Variants in SYT16 observed in about 807,000 individuals in gnomAD.
The protein encoded by SYT16 is synaptotagmin 16, also known as synaptotagmin-16.
SYT16 carries 42 observed loss-of-function variants against 61.4 expected under a neutral mutation model. The observed-to-expected ratio is 0.68, with a 90% confidence interval of 0.53 to 0.89. The LOEUF is 0.89. Ranked by LOEUF, SYT16 falls within the 40% of genes least tolerant of loss-of-function variation. SYT16 has a pLI of 0.00. For missense variants in SYT16, 804 were observed against 807.3 expected (o/e 1.00, Z 0.05); for synonymous variants, 314 against 302.3 (o/e 1.04, Z -0.40).
chr14:61,907,970 T>A (rs1475104954), intron 1 of SYT16, among the ~76,000 whole-genome samples: 1 of 152,194 alleles, frequency 6.6e-6, no homozygotes, highest in Non-Finnish European at 1.5e-5. Flanking sequence ...CATGAGAGAC[T>A]TTGTGTGTGT....
At chr14:61,949,166 TTATAG>T (rs2050566276) in intron 1 of SYT16, among the ~76,000 whole-genome samples, 1 of 152,164 alleles carries the variant, frequency 6.6e-6, no homozygotes, top group African/African-American at 2.4e-5. Flanking sequence ...GGAATAATCA[TTATAG>T]TATAAAGGCT....
chr14:61,858,955 C>T (rs1417459614), intron 1 of SYT16, among the ~76,000 whole-genome samples: 1 of 151,064 alleles, frequency 6.6e-6, no homozygotes, highest in Non-Finnish European at 1.5e-5. Flanking sequence ...CCTGGGTTCA[C>T]GCCATTCTCC....
intron 1 of SYT16, among the ~76,000 whole-genome samples, chr14:61,909,799 C>T (rs2048858056): frequency 6.6e-6 from 1 of 152,070 alleles, no homozygotes; most frequent in African/African-American, 2.4e-5. Flanking sequence ...TTTTCTTTAC[C>T]AGAATATTTG....
chr14:62,026,624 T>C (rs1272169759), intron 3 of SYT16, among the ~76,000 whole-genome samples: 2 of 152,200 alleles, frequency 1.3e-5, no homozygotes, highest in African/African-American at 4.8e-5. Flanking sequence ...AGTCAAACCA[T>C]AGCCCCCATT....
intron 1 of SYT16, chr14:61,865,333 G>A: frequency 1.4e-6 from 1 of 700,548 alleles, no homozygotes; most frequent in Admixed American, 1.9e-5. Context: ...GAAGCTCTTA[G>A]GAGAAGCAGT....
intron 1 of SYT16, among the ~76,000 whole-genome samples, chr14:61,877,896 C>A (rs1204458544): frequency 1.3e-5 from 2 of 152,272 alleles, no homozygotes; most frequent in African/African-American, 4.8e-5. Flanking sequence ...GTAGGTAGAA[C>A]CTTAATCCCT....
chr14:62,073,090 C>G (rs1162942540), intron 4 of SYT16, among the ~76,000 whole-genome samples: 1 of 152,030 alleles, frequency 6.6e-6, no homozygotes, highest in Non-Finnish European at 1.5e-5. Context: ...TGACTTGTAC[C>G]CCAGATTTGC....
intron 1 of SYT16, among the ~76,000 whole-genome samples, chr14:61,816,134 T>C (rs927987512): frequency 6.6e-6 from 1 of 152,160 alleles, no homozygotes; most frequent in African/African-American, 2.4e-5. Context: ...CTTGTGTCAT[T>C]TTTGCCTGTT....
In SYT16 at chr14:61,938,026, A is replaced by AACAC. The variant is rs3071213; in HGVS notation, c.-324-32076_-324-32073dup. ...CTGTTGCCCCAACCTCCTACCCCGC[A>AACAC]ACACACACACACACACACACACACA... is the stretch of plus-strand genomic sequence containing the variant. On this transcript the variant is annotated intron_variant, in intron 1 of 7. Coordinates refer to ENST00000683842, the MANE Select transcript of SYT16 (RefSeq NM_001367656.1). 3.7e-3 allele frequency among the ~76,000 whole-genome samples: 506 copies of AACAC among 135,726 alleles called. 4 individuals are homozygous for AACAC. Among genetic ancestry groups the AACAC allele is most frequent in the Admixed American group, 6.6e-3 (88 of 13,308 alleles). 89.0% of individuals were successfully genotyped at this position (135,726 alleles called of 152,430 possible). A position where few individuals can be genotyped will look rare whatever the true frequency, so the allele number is the denominator to read the frequency against.
At chr14:61,957,316 G>C (rs1194846979) in intron 1 of SYT16, among the ~76,000 whole-genome samples, 1 of 151,670 alleles carries the variant, frequency 6.6e-6, no homozygotes, top group African/African-American at 2.4e-5. Context: ...TCTTTATCTT[G>C]CCTAATTTTT....
Position 62,084,230 on chromosome 14 carries a change from C to A in SYT16, c.1469C>A (p.Ser490Tyr), listed in dbSNP as rs2056810667. 18 of 1,613,918 alleles carry A rather than the reference C, an allele frequency of 1.1e-5. No homozygotes were observed. The highest frequency in any genetic ancestry group is 1.5e-5 in the Non-Finnish European group (18 of 1,179,862). The part of the protein sequence containing the change: ...GGSPLSPSAV[S>Y]HSDSTSSTQS... ...TCTCCGCTCAGCCCATCTGCGGTTT[C>A]TCACAGTGATAGTACTTCATCCACG... Residue 490 changes from serine to tyrosine, a missense_variant, in exon 7 of 8, where the codon TCT becomes TAT. By Grantham distance (144) the Ser-to-Tyr change is moderately radical. Transcript: ENST00000683842.
chr14:61,832,332 C>T (rs1003756976), intron 1 of SYT16: 2 of 579,966 alleles, frequency 3.4e-6, no homozygotes, highest in Non-Finnish European at 3.4e-6. Context: ...GGAAATTGCT[C>T]GCTTGCCAAC....
chr14:62,037,691 C>A (rs1364483094), intron 3 of SYT16, among the ~76,000 whole-genome samples: 1 of 152,198 alleles, frequency 6.6e-6, no homozygotes, highest in Non-Finnish European at 1.5e-5. Flanking sequence ...ATACATGGTA[C>A]ATGTACCATA....
At chr14:61,989,282 A>G (rs568347814) in intron 2 of SYT16, among the ~76,000 whole-genome samples, 1 of 152,304 alleles carries the variant, frequency 6.6e-6, no homozygotes, top group South Asian at 2.1e-4. Context: ...GCTCTGTTAT[A>G]GCTGCTTTAA....
chr14:61,969,182 A>C (rs2051440380), intron 1 of SYT16, among the ~76,000 whole-genome samples: 1 of 152,244 alleles, frequency 6.6e-6, no homozygotes, highest in South Asian at 2.1e-4. Flanking sequence ...AGCTGCTCTT[A>C]GGAGATTCAT....
At chr14:61,988,909 G>A (rs2052431639) in intron 2 of SYT16, among the ~76,000 whole-genome samples, 1 of 151,648 alleles carries the variant, frequency 6.6e-6, no homozygotes, top group African/African-American at 2.4e-5. Flanking sequence ...TGGAGTAATG[G>A]TTAAAGTAAG....
intron 1 of SYT16, among the ~76,000 whole-genome samples, chr14:61,929,637 A>T (rs2049683074): frequency 6.6e-6 from 1 of 152,210 alleles, no homozygotes; most frequent in African/African-American, 2.4e-5. Flanking sequence ...GTTTGTTTCT[A>T]CTGCATTGCT....
intron 3 of SYT16, 116 bp downstream of exon 3, chr14:61,996,658 C>T: frequency 8.1e-7 from 1 of 1,233,904 alleles, no homozygotes; most frequent in South Asian, 1.6e-5. Flanking sequence ...CTTATACCTT[C>T]CCACATACTG....
chr14:61,893,029 A>G (rs111352099), intron 1 of SYT16, among the ~76,000 whole-genome samples: 21 of 152,176 alleles, frequency 1.4e-4, no homozygotes, highest in Middle Eastern at 3.4e-3. Flanking sequence ...CAGGGCATCA[A>G]TAGGAGGAAA....
Sources: allele counts gnomAD v4.1 joint callset (sites outside exome capture counted in the v4.1 genomes callset), GRCh38; gene constraint gnomAD v4.1.1; transcripts MANE v1.5; gene names NCBI Gene and HGNC (gene_info 2026-07-23, HGNC 2026-07-21).